PLS1: variants seen among roughly 807,000 people sequenced by gnomAD.
PLS1 encodes plastin-1.
Under a neutral mutation model 73.7 loss-of-function variants are expected in PLS1, and 32 were observed. The ratio of observed to expected loss-of-function variants is 0.43; its 90% CI spans 0.33 to 0.58. The LOEUF (loss-of-function observed/expected upper bound fraction) is 0.58, where lower values mean the gene tolerates loss of function less well. Ranked by LOEUF, PLS1 falls within the 20% of genes least tolerant of loss-of-function variation. The probability of loss-of-function intolerance (pLI) is 0.04; values close to 1 mark genes in which losing one functional copy is unlikely to be tolerated. For synonymous variants in PLS1, 217 were observed against 261.3 expected (o/e 0.83, Z 1.63); for missense variants, 633 against 740.5 (o/e 0.85, Z 1.68).
chr3:142,659,853 C>T (rs530470657), intron 1 of PLS1, among the ~76,000 whole-genome samples: 53 of 152,110 alleles, frequency 3.5e-4, no homozygotes, highest in African/African-American at 9.4e-4. Context: ...TGTGCCACCA[C>T]GCCTGGCTAA....
At chr3:142,642,058 C>T (rs982557960) in intron 1 of PLS1, among the ~76,000 whole-genome samples, 2 of 152,044 alleles carry the variant, frequency 1.3e-5, no homozygotes, top group African/African-American at 4.8e-5. Context: ...TTTGCTTGCT[C>T]TAGATCATGT....
intron 10 of PLS1, among the ~76,000 whole-genome samples, chr3:142,691,788 C>A (rs964539862): frequency 1.3e-5 from 2 of 152,108 alleles, no homozygotes; most frequent in Non-Finnish European, 2.9e-5. Flanking sequence ...TATCACATCC[C>A]AAATTCATAT....
intron 1 of PLS1, among the ~76,000 whole-genome samples, chr3:142,609,295 T>C (rs1294381393): frequency 6.6e-6 from 1 of 152,230 alleles, no homozygotes; most frequent in Non-Finnish European, 1.5e-5. Context: ...AATGTCAGTG[T>C]TTATTGGCTG....
At chr3:142,626,318 A>C (rs537082607) in intron 1 of PLS1, among the ~76,000 whole-genome samples, 1 of 152,206 alleles carries the variant, frequency 6.6e-6, no homozygotes, top group Non-Finnish European at 1.5e-5. Context: ...ATGGAGGGGC[A>C]GGAGTCTAGA....
intron 1 of PLS1, chr3:142,645,601 G>A (rs2036937093): frequency 6.6e-6 from 1 of 152,154 alleles, no homozygotes; most frequent in Non-Finnish European, 1.5e-5. Context: ...GGTTATTCCA[G>A]AGCACTTGGA....
chr3:142,692,149 A>G (rs1202436149), intron 10 of PLS1, among the ~76,000 whole-genome samples: 1 of 152,162 alleles, frequency 6.6e-6, no homozygotes, highest in Non-Finnish European at 1.5e-5. Context: ...GGAGGAAAGC[A>G]CTTCATATGT....
At chr3:142,686,534 C>T (rs2037970219) in intron 9 of PLS1, among the ~76,000 whole-genome samples, 158 bp downstream of exon 9, 1 of 152,192 alleles carries the variant, frequency 6.6e-6, no homozygotes. Flanking sequence ...TTTTCATCAT[C>T]CTGTAGGGAA....
At chr3:142,658,534 G>A (rs2037293109) in intron 1 of PLS1, among the ~76,000 whole-genome samples, 1 of 150,816 alleles carries the variant, frequency 6.6e-6, no homozygotes, top group African/African-American at 2.4e-5. Context: ...CCTGCTCCTT[G>A]CCTCCCTCTA....
chr3:142,625,668 C>T (rs2036408405), intron 1 of PLS1, among the ~76,000 whole-genome samples: 3 of 152,014 alleles, frequency 2.0e-5, no homozygotes, highest in Admixed American at 2.0e-4. Context: ...GTTATATATA[C>T]TAGGGTATAT....
At chr3:142,651,058 G>C (rs902268216) in intron 1 of PLS1, among the ~76,000 whole-genome samples, 5 of 152,124 alleles carry the variant, frequency 3.3e-5, no homozygotes, top group Non-Finnish European at 1.5e-5. Flanking sequence ...AACTGAGGTT[G>C]GGTTTTGACA....
chr3:142,662,249 T>C (rs1052240358), intron 1 of PLS1, among the ~76,000 whole-genome samples: 42 of 152,156 alleles, frequency 2.8e-4, no homozygotes, highest in African/African-American at 8.9e-4. Context: ...AAAGGATGAG[T>C]TCATGTCCTT....
intron 1 of PLS1, among the ~76,000 whole-genome samples, chr3:142,660,948 G>A (rs1266813361): frequency 6.6e-6 from 1 of 152,142 alleles, no homozygotes; most frequent in Non-Finnish European, 1.5e-5. Context: ...CATTTCAAAT[G>A]CAAGGTCAAC....
At position 142,683,241 on chromosome 3, in the gene PLS1, A is replaced by C. The variant is rs557182615; in HGVS notation, c.580-765A>C. On this transcript the variant is annotated intron_variant, in intron 6 of 15. Coordinates refer to ENST00000457734, the MANE Select transcript of PLS1 (RefSeq NM_001145319.2). ...GGCTCTGGGCCAGGTGCGGTGGCTC[A>C]CGCCTGTAATCCCAGCACTTTGGGA... Among the ~76,000 whole-genome samples the C allele has an allele frequency of 1.1e-3, 162 of 152,326 alleles. 1 individual carries two copies. The highest frequency in any genetic ancestry group is 3.5e-3 in the African/African-American group (144 of 41,576).
intron 1 of PLS1, among the ~76,000 whole-genome samples, chr3:142,641,429 T>C (rs2036838252): frequency 6.6e-6 from 1 of 151,030 alleles, no homozygotes; most frequent in Non-Finnish European, 1.5e-5. Context: ...ATCATTTATA[T>C]ATATGTATGA....
chr3:142,678,522 G>A (rs2037773239), intron 6 of PLS1, among the ~76,000 whole-genome samples: 2 of 149,852 alleles, frequency 1.3e-5, no homozygotes, highest in Middle Eastern at 7.0e-3. Flanking sequence ...AATATGTGGT[G>A]TTTGGTTTTT....
rs145126591 is a variant in PLS1, at chr3:142,686,292, A to G, written c.897A>G (p.Arg299=). 99 of 1,589,762 alleles carry G rather than the reference A, an allele frequency of 6.2e-5. No homozygotes were observed. Among genetic ancestry groups the G allele is most frequent in the Non-Finnish European group, 7.8e-5 (90 of 1,158,374 alleles). The stretch of plus-strand genomic sequence containing the variant: ...CATATCTTTCCTTGAAGGACTCGAG[A>G]GCCTATTTTCATCTGCTTAATCAGA... The part of the protein sequence containing the change: ...SNFSQDIKDS[R]AYFHLLNQIA... The change falls in exon 9 of 16, where the codon AGA becomes AGG. Residue 299 remains arginine, a synonymous_variant. Coordinates refer to ENST00000457734, the MANE Select transcript of PLS1 (RefSeq NM_001145319.2).
chr3:142,610,782 C>A (rs7627437), intron 1 of PLS1, among the ~76,000 whole-genome samples: 2,167 of 152,242 alleles, frequency 0.014, 59 homozygotes, highest in African/African-American at 0.049. Flanking sequence ...GTTGTTTGAG[C>A]ACAACTATCT....
Position 142,709,701 on chromosome 3 carries a change from C to G in PLS1, c.1630-1800C>G, listed in dbSNP as rs1933024226. On this transcript the variant is annotated intron_variant, in intron 14 of 15. Coordinates refer to ENST00000457734, the MANE Select transcript of PLS1 (RefSeq NM_001145319.2). ...GTGTGGTGGCCGGCGCCTGTAGTCC[C>G]AGCTACTCAGGAGGCTGAGGCAGGA... 2.0e-5 allele frequency among the ~76,000 whole-genome samples: 3 copies of G among 151,934 alleles called. No individual in the cohort carries two copies. In the South Asian group the frequency reaches 6.2e-4, roughly 32 times the overall value.
intron 14 of PLS1, among the ~76,000 whole-genome samples, chr3:142,711,113 C>A (rs964716733): frequency 3.3e-5 from 5 of 152,178 alleles, no homozygotes; most frequent in African/African-American, 1.2e-4. Flanking sequence ...ATTTTTCTTT[C>A]TGAAAAATAT....
Sources: gnomAD v4.1 joint callset for allele counts (sites outside exome capture counted in the v4.1 genomes callset) on GRCh38, gnomAD v4.1.1 for gene constraint, MANE v1.5 for transcripts, NCBI Gene and HGNC (gene_info 2026-07-23, HGNC 2026-07-21) for gene names.